Variants in ACVR1C observed in about 807,000 individuals in gnomAD.
The protein encoded by ACVR1C is activin receptor type-1C.
Under a neutral mutation model 57.9 loss-of-function variants are expected in ACVR1C, and 23 were observed. The observed-to-expected ratio is 0.40, with a 90% CI of 0.29 to 0.56. The LOEUF (loss-of-function observed/expected upper bound fraction) is 0.56, where lower values mean the gene tolerates loss of function less well. Ranked by LOEUF, ACVR1C falls within the 20% of genes least tolerant of loss-of-function variation. The probability of loss-of-function intolerance (pLI) is 0.50; values close to 1 mark genes in which losing one functional copy is unlikely to be tolerated. For synonymous variants in ACVR1C, 214 were observed against 215.3 expected, an observed-to-expected ratio of 0.99 and a Z score of 0.05; for missense variants, 480 against 607.9, an observed-to-expected ratio of 0.79 and a Z score of 2.21.
At chr2:157,626,150 T>C (rs1029577540) in intron 1 of ACVR1C, among the ~76,000 whole-genome samples, 1 of 152,214 alleles carries the variant, frequency 6.6e-6, no homozygotes, top group African/African-American at 2.4e-5. Context: ...AAATTTTTTG[T>C]AGAGATGGTG....
rs1687413682 is a variant in ACVR1C, at chr2:157,533,749, G to A, written c.*169C>T. 2.1e-6 allele frequency: 1 copy of A among 469,928 alleles called. No homozygotes were observed. The highest frequency in any genetic ancestry group is 3.4e-6 in the Non-Finnish European group (1 of 297,814). 29.1% of individuals were successfully genotyped at this position (469,928 alleles called of 1,614,324 possible). On this transcript the variant is annotated 3_prime_UTR_variant, in exon 9 of 9. Transcript: ENST00000243349. ...TAGAGATTGGATGAAGTCAACTCCTGCCCATGCTTAACTTTAGAGTTATCT... is the reference window on the plus strand; with the variant it reads ...TAGAGATTGGATGAAGTCAACTCCTACCCATGCTTAACTTTAGAGTTATCT...
chr2:157,544,668 A>G (rs1406645947), intron 4 of ACVR1C, 56 bp from the exon 5 acceptor site: 1 of 1,460,912 alleles, frequency 6.8e-7, no homozygotes, highest in African/African-American at 1.4e-5. Context: ...AGAAGCCAAA[A>G]GCTTTTAAAA....
chr2:157,618,416 G>T (rs1382345237), intron 1 of ACVR1C, among the ~76,000 whole-genome samples: 1 of 151,620 alleles, frequency 6.6e-6, no homozygotes, highest in Non-Finnish European at 1.5e-5. Context: ...ATAAAAATAA[G>T]ATGACAGATT....
chr2:157,561,584 T>C (rs1300314010), intron 2 of ACVR1C, among the ~76,000 whole-genome samples: 2 of 152,178 alleles, frequency 1.3e-5, no homozygotes, highest in South Asian at 2.1e-4. Flanking sequence ...ACAGCTGAAA[T>C]AGAAGAGAGA....
intron 8 of ACVR1C, among the ~76,000 whole-genome samples, chr2:157,537,792 C>T (rs1437835630): frequency 6.6e-6 from 1 of 152,128 alleles, no homozygotes; most frequent in Non-Finnish European, 1.5e-5. Context: ...ACCTTCTACT[C>T]TTTTTCCTTG....
At chr2:157,628,042 C>A (rs1326400046) in intron 1 of ACVR1C, among the ~76,000 whole-genome samples, 1 of 152,212 alleles carries the variant, frequency 6.6e-6, no homozygotes, top group Non-Finnish European at 1.5e-5. Flanking sequence ...AGCTCCCACT[C>A]TCGCCTCCAT....
intron 8 of ACVR1C, among the ~76,000 whole-genome samples, chr2:157,536,387 A>G (rs1483536258): frequency 1.3e-5 from 2 of 152,224 alleles, no homozygotes; most frequent in Non-Finnish European, 2.9e-5. Flanking sequence ...AATGCTGAAG[A>G]CAGAGAAGTT....
intron 1 of ACVR1C, among the ~76,000 whole-genome samples, chr2:157,623,136 C>T (rs991025140): frequency 7.2e-5 from 11 of 152,066 alleles, no homozygotes; most frequent in Admixed American, 5.2e-4. Flanking sequence ...TGGAAAAAAG[C>T]GAACATTTGT....
intron 1 of ACVR1C, among the ~76,000 whole-genome samples, chr2:157,612,637 A>G (rs955240328): frequency 3.3e-5 from 5 of 152,218 alleles, no homozygotes; most frequent in Non-Finnish European, 7.3e-5. Flanking sequence ...AGCCCCAGAC[A>G]GGGAACTCTC....
At chr2:157,592,002 T>C (rs978221199) in intron 1 of ACVR1C, among the ~76,000 whole-genome samples, 1 of 152,046 alleles carries the variant, frequency 6.6e-6, no homozygotes, top group Non-Finnish European at 1.5e-5. Flanking sequence ...GTGAATAAAA[T>C]AGAATTCTAA....
intron 2 of ACVR1C, among the ~76,000 whole-genome samples, chr2:157,566,200 A>T (rs1688370768): frequency 6.6e-6 from 1 of 152,236 alleles, no homozygotes; most frequent in African/African-American, 2.4e-5. Flanking sequence ...TTACATAAAA[A>T]AAGAAAGTCT....
chr2:157,628,533 C>T (rs768743509), intron 1 of ACVR1C, 39 bp downstream of exon 1: 73 of 1,592,842 alleles, frequency 4.6e-5, no homozygotes, highest in African/African-American at 1.3e-5. Context: ...CTCCCAGCTC[C>T]CACCCTCGCG....
intron 2 of ACVR1C, among the ~76,000 whole-genome samples, chr2:157,581,043 C>A (rs1197753061): frequency 6.6e-6 from 1 of 152,120 alleles, no homozygotes; most frequent in Non-Finnish European, 1.5e-5. Flanking sequence ...CACTCTATTA[C>A]TTTGGCCCCA....
At chr2:157,614,563 GT>G (rs1682600418) in intron 1 of ACVR1C, among the ~76,000 whole-genome samples, 1 of 152,032 alleles carries the variant, frequency 6.6e-6, no homozygotes, top group South Asian at 2.1e-4. Flanking sequence ...CTAAAGTTTG[GT>G]TTATTTATTC....
intron 3 of ACVR1C, among the ~76,000 whole-genome samples, chr2:157,552,750 T>G (rs979530502): frequency 6.6e-6 from 1 of 152,208 alleles, no homozygotes; most frequent in African/African-American, 2.4e-5. Flanking sequence ...GCAATTAAAT[T>G]GAGACATTAA....
intron 3 of ACVR1C, among the ~76,000 whole-genome samples, chr2:157,555,182 A>T (rs571117462): frequency 7.6e-6 from 1 of 131,360 alleles, no homozygotes; most frequent in Admixed American, 9.1e-5. Context: ...GCAGTGGCGC[A>T]ATCTCGGCTC....
intron 2 of ACVR1C, among the ~76,000 whole-genome samples, chr2:157,585,767 C>T (rs1472501037): frequency 6.6e-6 from 1 of 151,990 alleles, no homozygotes; most frequent in African/African-American, 2.4e-5. Context: ...TAATAGATCC[C>T]AGATCACCAC....
chr2:157,566,191 T>C (rs1282322393), intron 2 of ACVR1C, among the ~76,000 whole-genome samples: 1 of 152,162 alleles, frequency 6.6e-6, no homozygotes, highest in Admixed American at 6.5e-5. Flanking sequence ...ATCAACCCTT[T>C]ACATAAAAAA....
chr2:157,560,446 C>T (rs1284939509), intron 2 of ACVR1C, among the ~76,000 whole-genome samples: 1 of 152,146 alleles, frequency 6.6e-6, no homozygotes, highest in Non-Finnish European at 1.5e-5. Flanking sequence ...TAAAACGGAA[C>T]CAAGTGGCCA....
Sources: allele counts gnomAD v4.1 joint callset (sites outside exome capture counted in the v4.1 genomes callset), GRCh38; gene constraint gnomAD v4.1.1; transcripts MANE v1.5; gene names NCBI Gene and HGNC (gene_info 2026-07-23, HGNC 2026-07-21).